The following PDCD11 variants were observed in gnomAD, a reference collection of about 807,000 sequenced individuals.
The protein encoded by PDCD11 is programmed cell death 11.
PDCD11 carries 97 observed loss-of-function variants against 198.9 expected under a neutral mutation model. The ratio of observed to expected loss-of-function variants is 0.49; its 90% CI spans 0.41 to 0.58. PDCD11 has a LOEUF of 0.58. Among genes scored for constraint, PDCD11 ranks in the 20% least tolerant of loss-of-function variants. PDCD11 has a pLI of 0.00. For synonymous variants in PDCD11, 893 were observed against 918.0 expected, an observed-to-expected ratio of 0.97 and a Z score of 0.49; for missense variants, 2,102 against 2,312.7, an observed-to-expected ratio of 0.91 and a Z score of 1.87.
chr10:103,404,960 G>A lies in PDCD11; in HGVS notation c.403-62G>A, dbSNP rs1169043894. The A allele has an allele frequency of 2.6e-6, 4 of 1,511,606 alleles. No individual in the cohort carries two copies. In the African/African-American group the frequency reaches 5.5e-5, roughly 21 times the overall value. The allele number at this position is 1,511,606 out of a possible 1,614,324, so 93.6% of individuals were successfully genotyped here. A position where few individuals can be genotyped will look rare whatever the true frequency, so the allele number is the denominator to read the frequency against. Reference sequence around the variant, plus strand: ...TGAGAAGTCACTGAGCCAAAGCTGGGTAATGGATTTTTGGTTCAGGAGAAG... The same window carrying A: ...TGAGAAGTCACTGAGCCAAAGCTGGATAATGGATTTTTGGTTCAGGAGAAG... On this transcript the variant is annotated intron_variant, in intron 4 of 35. Coordinates refer to ENST00000369797, the MANE Select transcript of PDCD11 (RefSeq NM_014976.2).
At chr10:103,423,192 C>A in intron 18 of PDCD11, 55 bp downstream of exon 18, 1 of 1,458,206 alleles carries the variant, frequency 6.9e-7, no homozygotes, top group South Asian at 1.5e-5. Flanking sequence ...TTGTCCATTG[C>A]TCCCTCTCCT....
In PDCD11 at chr10:103,434,826, G is replaced by A; in HGVS notation, c.3696G>A (p.Val1232=). 6.2e-7 allele frequency: 1 copy of A among 1,611,338 alleles called. No homozygotes were observed. The highest frequency in any genetic ancestry group is 8.5e-7 in the Non-Finnish European group (1 of 1,178,906). ...TGPHKLEEGE[V]AMGRVVKVTP... ...CTCACAAGCTTGAGGAAGGGGAAGT[G>A]GCCATGGGCCGAGTGGTGAAGGTGA... Residue 1232 remains valine (V), a synonymous_variant, in exon 25 of 36, where the codon GTG becomes GTA. Transcript: ENST00000369797.
At chr10:103,408,575 C>T (rs184730239) in intron 7 of PDCD11, among the ~76,000 whole-genome samples, 1 of 152,064 alleles carries the variant, frequency 6.6e-6, no homozygotes, top group Non-Finnish European at 1.5e-5. Context: ...GAGTCTTGCT[C>T]TGTCACCTAG....
At chr10:103,437,595 C>T (rs1424160435) in intron 25 of PDCD11, among the ~76,000 whole-genome samples, 2 of 152,172 alleles carry the variant, frequency 1.3e-5, no homozygotes, top group African/African-American at 2.4e-5. Flanking sequence ...TCACGCCATT[C>T]TCCTGCCTCA....
chr10:103,422,168 C>T (rs1019570307), intron 17 of PDCD11, among the ~76,000 whole-genome samples: 1 of 150,524 alleles, frequency 6.6e-6, no homozygotes, highest in African/African-American at 2.4e-5. Context: ...GCAACTTCCA[C>T]CCCCCAGGTT....
chr10:103,427,703 A>T (rs184591027), intron 21 of PDCD11, among the ~76,000 whole-genome samples: 59 of 152,326 alleles, frequency 3.9e-4, no homozygotes, highest in Non-Finnish European at 7.4e-4. Context: ...GTAATTCCCT[A>T]AATAAGCAAC....
chr10:103,444,775 C>A, intron 35 of PDCD11, 93 bp downstream of exon 35: 1 of 1,239,178 alleles, frequency 8.1e-7, no homozygotes, highest in Non-Finnish European at 1.2e-6. Context: ...AGTTCTCTTA[C>A]TTGATCTAGA....
chr10:103,410,606 T>C (rs995916314), intron 8 of PDCD11, among the ~76,000 whole-genome samples: 24 of 151,164 alleles, frequency 1.6e-4, no homozygotes, highest in East Asian at 3.9e-4. Context: ...CTTTTCTTTT[T>C]TTTTTTTTTC....
At position 103,440,748 on chromosome 10, in the gene PDCD11, G is replaced by A. The variant is rs1228143911; in HGVS notation, c.4455G>A (p.Lys1485=). 1.2e-6 allele frequency: 2 copies of A among 1,614,168 alleles called. No individual in the cohort carries two copies. Among genetic ancestry groups the A allele is most frequent in the African/African-American group, 1.3e-5 (1 of 75,052 alleles). ...ESGSEQERVS[K]KPKKAGLSEE... is the part of the protein sequence containing the mutation. ...TGGCCTCTCAGGAAAGAGTGAGCAA[G>A]AAGCCAAAGAAAGCCGGCCTGTCAG... The change falls in exon 30 of 36, where the codon AAG becomes AAA. Residue 1485 remains lysine, a synonymous_variant. Coordinates refer to ENST00000369797, the MANE Select transcript of PDCD11 (RefSeq NM_014976.2).
chr10:103,415,882 A>G (rs540658061), intron 12 of PDCD11, among the ~76,000 whole-genome samples: 67 of 152,330 alleles, frequency 4.4e-4, no homozygotes, highest in African/African-American at 1.5e-3. Flanking sequence ...ATCCAACATG[A>G]TGATGCACAC....
At chr10:103,397,537 G>A (rs1370564018) in intron 1 of PDCD11, among the ~76,000 whole-genome samples, 1 of 152,308 alleles carries the variant, frequency 6.6e-6, no homozygotes, top group East Asian at 1.9e-4. Context: ...CCGGCCTCAA[G>A]CAATTCTCAC....
chr10:103,400,497 C>T lies in PDCD11; in HGVS notation c.203C>T (p.Ala68Val). The change falls in exon 3 of 36, where the codon GCA becomes GTA. Residue 68 changes from alanine to valine, a missense_variant. Transcript: ENST00000369797. ...KIEKRESSKS[A>V]REKFEILSVE... ...GAAAAGAGAGAAAGCAGCAAGTCCGCAAGAGAGAAGTTTGAAATCCTTAGT... is the reference window on the plus strand; with the variant it reads ...GAAAAGAGAGAAAGCAGCAAGTCCGTAAGAGAGAAGTTTGAAATCCTTAGT... The T allele has an allele frequency of 6.2e-7, 1 of 1,613,920 alleles. No individual in the cohort carries two copies. The highest frequency in any genetic ancestry group is 8.5e-7 in the Non-Finnish European group (1 of 1,179,920).
chr10:103,445,047 G>T (rs2032545370), intron 35 of PDCD11, among the ~76,000 whole-genome samples: 1 of 152,204 alleles, frequency 6.6e-6, no homozygotes, highest in South Asian at 2.1e-4. Context: ...AAAAAGAACA[G>T]GTGCCTCACC....
At chr10:103,417,533 T>C (rs567140847) in intron 13 of PDCD11, among the ~76,000 whole-genome samples, 1 of 152,340 alleles carries the variant, frequency 6.6e-6, no homozygotes, top group African/African-American at 2.4e-5. Flanking sequence ...GTAATTAGCA[T>C]CTCCATCACC....
At chr10:103,397,093 A>G (rs1237843027) in intron 1 of PDCD11, among the ~76,000 whole-genome samples, 1 of 152,072 alleles carries the variant, frequency 6.6e-6, no homozygotes, top group Non-Finnish European at 1.5e-5. Context: ...TCTTTAGTCT[A>G]AAGCCCTTGT....
chr10:103,436,204 G>A (rs1458398632), intron 25 of PDCD11, among the ~76,000 whole-genome samples: 4 of 152,066 alleles, frequency 2.6e-5, no homozygotes, highest in East Asian at 1.9e-4. Context: ...GGGTTCAAGC[G>A]ATTCTTGTGC....
chr10:103,444,026 C>T lies in PDCD11; in HGVS notation c.5236C>T (p.Arg1746Cys), dbSNP rs1307066908. The T allele has an allele frequency of 1.1e-5, 18 of 1,612,564 alleles. No individual in the cohort carries two copies. The highest frequency in any genetic ancestry group is 7.7e-5 in the South Asian group (7 of 91,016). ...GAGGAGCCAGGCTGCAGCCAGTCAC[C>T]GCGTGCTGCAGCGAGCCCTGGAGTG... ...LRRSQAAASHRVLQRALECLP... is the reference protein window; with the variant it reads ...LRRSQAAASHCVLQRALECLP... The change falls in exon 34 of 36, where the codon CGC becomes TGC. Residue 1746 changes from arginine to cysteine, a missense_variant. By Grantham distance (180) the Arg-to-Cys change is radical (BLOSUM62 -3). Coordinates refer to ENST00000369797, the MANE Select transcript of PDCD11 (RefSeq NM_014976.2).
chr10:103,402,600 G>T (rs1047256668), intron 3 of PDCD11, among the ~76,000 whole-genome samples: 2 of 151,822 alleles, frequency 1.3e-5, no homozygotes, highest in East Asian at 1.9e-4. Context: ...CACCATGCCC[G>T]GCTAATTTTT....
chr10:103,438,118 G>A (rs769059545), intron 26 of PDCD11, 47 bp downstream of exon 26: 5 of 1,488,278 alleles, frequency 3.4e-6, no homozygotes, highest in Non-Finnish European at 4.7e-6. Context: ...GACCCACTCA[G>A]GATCAAGGGG....
Sources: gnomAD v4.1 joint callset for allele counts (sites outside exome capture counted in the v4.1 genomes callset) on GRCh38, gnomAD v4.1.1 for gene constraint, MANE v1.5 for transcripts, NCBI Gene and HGNC (gene_info 2026-07-23, HGNC 2026-07-21) for gene names.